TOLLIP: variants seen among roughly 807,000 people sequenced by gnomAD.
TOLLIP encodes the protein toll interacting protein.
In TOLLIP, 16 loss-of-function variants were observed where a neutral mutation model predicts 33.5. That is an observed-to-expected ratio of 0.48 (90% confidence interval 0.32 to 0.72). The LOEUF is 0.72. Ranked by LOEUF, TOLLIP falls within the 30% of genes least tolerant of loss-of-function variation. The pLI is 0.03. For missense variants in TOLLIP, 325 were observed against 396.6 expected (o/e 0.82, Z 1.53); for synonymous variants, 176 against 163.7 (o/e 1.07, Z -0.57).
chr11:1,309,580 C>T lies in TOLLIP; in HGVS notation c.-82G>A, dbSNP rs1414579056. 4.0e-6 allele frequency: 3 copies of T among 755,192 alleles called. No individual in the cohort carries two copies. The highest frequency in any genetic ancestry group is 4.4e-5 in the Admixed American group (1 of 22,690). The allele number at this position is 755,192 out of a possible 1,614,324, so 46.8% of individuals were successfully genotyped here. On this transcript the variant is annotated 5_prime_UTR_variant, in exon 1 of 6. Coordinates refer to ENST00000317204, the MANE Select transcript of TOLLIP (RefSeq NM_019009.4). ...CCTGCGCCCCCGCCGGAGCCTGCGA[C>T]GGAGACAGTTGTCACCTCGAGGCCG...
chr11:1,293,262 G>A (rs757689176), intron 2 of TOLLIP, among the ~76,000 whole-genome samples: 61 of 152,346 alleles, frequency 4.0e-4, no homozygotes, highest in East Asian at 1.7e-3. Context: ...CACGGAGTCC[G>A]GAGTGCCCAC....
chr11:1,288,096 A>G lies in TOLLIP; in HGVS notation c.519+528T>C, dbSNP rs1270112734. 3.3e-5 allele frequency among the ~76,000 whole-genome samples: 5 copies of G among 152,078 alleles called. No individual in the cohort carries two copies. The East Asian group carries it at 5.8e-4, about 18-fold the overall frequency. On this transcript the variant is annotated intron_variant, in intron 4 of 5. Transcript: ENST00000317204. ...CTGAGAATGGAGATGGCTGGGAGCC[A>G]GGGCGCTGACGTGCTGGCCCCACAG... is the stretch of plus-strand genomic sequence containing the variant.
At chr11:1,306,221 G>A (rs755204095) in intron 1 of TOLLIP, 1 of 152,134 alleles carries the variant, frequency 6.6e-6, no homozygotes, top group Non-Finnish European at 1.5e-5. Context: ...ATCTAAACAC[G>A]GTATGATTCT....
chr11:1,284,029 C>T (rs1012423580), intron 5 of TOLLIP, among the ~76,000 whole-genome samples: 4 of 152,230 alleles, frequency 2.6e-5, no homozygotes, highest in African/African-American at 4.8e-5. Flanking sequence ...TTTGACCCCA[C>T]GACGGCGGCT....
rs1173848837 is a variant in TOLLIP, at chr11:1,278,368, C to T, written c.611-1115G>A. Among the ~76,000 whole-genome samples the T allele has an allele frequency of 6.6e-6, 1 of 152,160 alleles. No homozygotes were observed. Among genetic ancestry groups the T allele is most frequent in the Non-Finnish European group, 1.5e-5 (1 of 68,014 alleles). The stretch of plus-strand genomic sequence containing the variant: ...GCTAGGATCACTGGAGCGCTAGAGC[C>T]CCAATCTTAGGATAGGACTTTTGTT... On this transcript the variant is annotated intron_variant, in intron 5 of 5. Transcript: ENST00000317204. This position sits in a 1 kb window ranked among gnomAD's most constrained non-coding sequence, Gnocchi z 4.7.
intron 5 of TOLLIP, chr11:1,283,511 C>T: frequency 2.2e-6 from 1 of 455,808 alleles, no homozygotes; most frequent in South Asian, 1.5e-5. Context: ...GTCAGGTGGA[C>T]GAGTCCTCAC....
chr11:1,300,226 T>C (rs1165087235), intron 1 of TOLLIP, among the ~76,000 whole-genome samples: 2 of 152,232 alleles, frequency 1.3e-5, no homozygotes, highest in African/African-American at 2.4e-5. Flanking sequence ...GTTTTAAATA[T>C]AGTTTTAAAA....
chr11:1,309,487 G>A lies in TOLLIP; in HGVS notation c.12C>T (p.Thr4=). MAT[T]VSTQRGPVYI... is the part of the protein sequence containing the mutation. ...TCACCGGCCCGCGCTGAGTGCTGAC[G>A]GTGGTCGCCATGGTGCTGCGGCGGC... The change falls in exon 1 of 6, where the codon ACC becomes ACT. Residue 4 remains threonine, a synonymous_variant. Transcript: ENST00000317204. 1.5e-6 allele frequency: 2 copies of A among 1,340,362 alleles called. No individual in the cohort carries two copies. Among genetic ancestry groups the A allele is most frequent in the Admixed American group, 3.0e-5 (1 of 33,238 alleles). 83.0% of individuals were successfully genotyped at this position (1,340,362 alleles called of 1,614,324 possible).
chr11:1,295,805 G>A lies in TOLLIP; in HGVS notation c.34-11C>T, dbSNP rs369149324. 64 of 1,541,774 alleles carry A rather than the reference G, an allele frequency of 4.2e-5. No homozygotes were observed. In the East Asian group the frequency reaches 4.6e-4, roughly 11 times the overall value. ...CTCACCGATGTACACCTGCGGGGCC[G>A]GGGACCAGAGAGGCCAGTGAGTCAG... is the stretch of plus-strand genomic sequence containing the variant. On this transcript the variant is annotated splice_polypyrimidine_tract_variant and intron_variant, in intron 1 of 5. Coordinates refer to ENST00000317204, the MANE Select transcript of TOLLIP (RefSeq NM_019009.4).
In TOLLIP at chr11:1,292,801, G is replaced by A. The variant is rs533285296; in HGVS notation, c.184-2392C>T. On this transcript the variant is annotated intron_variant, in intron 2 of 5. Transcript: ENST00000317204. ...AAGAGATGCGCGGCAGACACACAGC[G>A]CAGCAGACGGCGTTACCACTGCAGG... is the stretch of plus-strand genomic sequence containing the variant. Among the ~76,000 whole-genome samples the A allele has an allele frequency of 1.6e-4, 24 of 152,376 alleles. 1 individual carries two copies. The South Asian group carries it at 4.8e-3, about 30-fold the overall frequency.
chr11:1,276,713 A>G lies in TOLLIP; in HGVS notation c.*326T>C. 7.0e-7 allele frequency: 1 copy of G among 1,431,120 alleles called. No individual in the cohort carries two copies. Among genetic ancestry groups the G allele is most frequent in the Non-Finnish European group, 9.3e-7 (1 of 1,079,672 alleles). 88.7% of individuals were successfully genotyped at this position (1,431,120 alleles called of 1,614,324 possible). ...ATCGGAAGGCGCTCCACCACCTCCA[A>G]CACCCTGGCAGAAGCAGCTGCTCTC... On this transcript the variant is annotated 3_prime_UTR_variant, in exon 6 of 6. Transcript: ENST00000317204.
At chr11:1,289,012 A>G (rs1863844330) in intron 3 of TOLLIP, among the ~76,000 whole-genome samples, 1 of 152,134 alleles carries the variant, frequency 6.6e-6, no homozygotes, top group Non-Finnish European at 1.5e-5. Context: ...GGCCAGGGCC[A>G]GGGCCAGGTC....
chr11:1,278,404 C>T lies in TOLLIP; in HGVS notation c.611-1151G>A, dbSNP rs1863381321. Reference sequence around the variant, plus strand: ...GATAGGACTTTTGTTCCTTTCTACACTTGGAGGATCCTAAAGGCAGCAGAA... The same window carrying T: ...GATAGGACTTTTGTTCCTTTCTACATTTGGAGGATCCTAAAGGCAGCAGAA... On this transcript the variant is annotated intron_variant, in intron 5 of 5. Coordinates refer to ENST00000317204, the MANE Select transcript of TOLLIP (RefSeq NM_019009.4). This position sits in a 1 kb window ranked among gnomAD's most constrained non-coding sequence, Gnocchi z 4.7. Among the ~76,000 whole-genome samples, 1 of 152,180 alleles carries T rather than the reference C, an allele frequency of 6.6e-6. No individual in the cohort carries two copies. Among genetic ancestry groups the T allele is most frequent in the South Asian group, 2.1e-4 (1 of 4,830 alleles).
chr11:1,302,351 T>C (rs760134367), intron 1 of TOLLIP, among the ~76,000 whole-genome samples: 1 of 152,196 alleles, frequency 6.6e-6, no homozygotes, highest in Non-Finnish European at 1.5e-5. Context: ...TTTCAGAGAC[T>C]GAAGTGCCAG....
intron 4 of TOLLIP, among the ~76,000 whole-genome samples, chr11:1,287,876 C>CCTGCCGCACCCTCTCTGCCGCACCCTCT (rs1299688018): frequency 1.9e-5 from 2 of 107,718 alleles, no homozygotes; most frequent in South Asian, 3.5e-4. Flanking sequence ...CTGCAGCCTC[C>CCTGCCGCACCCTCTCTGCCGCACCCTCT]CTGCTGCACC....
At chr11:1,289,660 C>T (rs1388617468) in intron 3 of TOLLIP, among the ~76,000 whole-genome samples, 2 of 151,088 alleles carry the variant, frequency 1.3e-5, no homozygotes, top group South Asian at 2.1e-4. Context: ...TGCTGGTGAG[C>T]GGCCAGACGA....
In TOLLIP at chr11:1,293,789, G is replaced by A. The variant is rs1405720590; in HGVS notation, c.183+1856C>T. 2.6e-5 allele frequency among the ~76,000 whole-genome samples: 4 copies of A among 152,396 alleles called. No individual in the cohort carries two copies. The South Asian group carries it at 6.2e-4, about 24-fold the overall frequency. The stretch of plus-strand genomic sequence containing the variant: ...CCCTGCGGTCACCAGGCCCTGCCAG[G>A]AGGTGGCGGCTGAGGACGGGTGATG... On this transcript the variant is annotated intron_variant, in intron 2 of 5. Coordinates refer to ENST00000317204, the MANE Select transcript of TOLLIP (RefSeq NM_019009.4).
At chr11:1,285,547 A>G (rs1287907018) in intron 5 of TOLLIP, among the ~76,000 whole-genome samples, 1 of 152,218 alleles carries the variant, frequency 6.6e-6, no homozygotes, top group Non-Finnish European at 1.5e-5. Flanking sequence ...CGCAGTAGAG[A>G]GCACGCATCA....
rs902981771 is a variant in TOLLIP, at chr11:1,274,633, G to A, written c.*2406C>T. On this transcript the variant is annotated 3_prime_UTR_variant, in exon 6 of 6. Coordinates refer to ENST00000317204, the MANE Select transcript of TOLLIP (RefSeq NM_019009.4). ...TTCTATCTCCGGAGCCCCGCCTGAG[G>A]CTCCAAGATGGCACAGTCAGGCTGT... is the stretch of plus-strand genomic sequence containing the variant. 1.3e-5 allele frequency: 2 copies of A among 152,206 alleles called. No individual in the cohort carries two copies. The highest frequency in any genetic ancestry group is 1.5e-5 in the Non-Finnish European group (1 of 68,046). The allele number at this position is 152,206 out of a possible 1,614,324, so 9.4% of individuals were successfully genotyped here.
Sources: allele counts gnomAD v4.1 joint callset (sites outside exome capture counted in the v4.1 genomes callset), GRCh38; gene constraint gnomAD v4.1.1; non-coding constraint Gnocchi (gnomAD v3.1); transcripts MANE v1.5; gene names NCBI Gene and HGNC (gene_info 2026-07-23, HGNC 2026-07-21).